MAML3: variants seen among roughly 807,000 people sequenced by gnomAD.
MAML3 encodes mastermind like transcriptional coactivator 3.
Under a neutral mutation model 101.9 loss-of-function variants are expected in MAML3, and 27 were observed. That is an observed-to-expected ratio of 0.27 (90% CI 0.20 to 0.37). MAML3 has a LOEUF of 0.37. MAML3 is among the 10% of genes least tolerant of loss of function. The pLI is 1.00. For missense variants in MAML3, 1,316 were observed against 1,444.9 expected (o/e 0.91, Z 1.45); for synonymous variants, 501 against 555.9 (o/e 0.90, Z 1.39).
Position 139,864,674 on chromosome 4 carries a change from CAAAAAAAAA to C in MAML3, c.2079+24674_2079+24682del, listed in dbSNP as rs70943450. 9.7e-3 allele frequency among the ~76,000 whole-genome samples: 673 copies of C among 69,522 alleles called. 2 individuals are homozygous for C. Among genetic ancestry groups the C allele is most frequent in the Middle Eastern group, 0.039 (3 of 76 alleles). 45.6% of individuals were successfully genotyped at this position (69,522 alleles called of 152,430 possible). ...CTGGCGACAGAGCGAGGCTCCGTCT[CAAAAAAAAA>C]AAAAAAAAAAAAAAAAGAAAAAGAA... On this transcript the variant is annotated intron_variant, in intron 2 of 4. Coordinates refer to ENST00000509479, the MANE Select transcript of MAML3 (RefSeq NM_018717.5).
chr4:140,026,227 T>C (rs1726821074), intron 1 of MAML3, among the ~76,000 whole-genome samples: 2 of 152,124 alleles, frequency 1.3e-5, no homozygotes, highest in African/African-American at 4.8e-5. Flanking sequence ...CATATACACA[T>C]ATATACATCT....
chr4:139,968,645 T>C (rs1734182406), intron 1 of MAML3, among the ~76,000 whole-genome samples: 1 of 152,174 alleles, frequency 6.6e-6, no homozygotes, highest in African/African-American at 2.4e-5. Flanking sequence ...AGGCCCATTT[T>C]ACAGATGAGG....
At chr4:139,854,419 T>TC (rs1414310208) in intron 2 of MAML3, among the ~76,000 whole-genome samples, 2 of 147,192 alleles carry the variant, frequency 1.4e-5, no homozygotes, top group Non-Finnish European at 3.0e-5. Flanking sequence ...ACAGTCAATT[T>TC]CCCCCCACAT....
intron 1 of MAML3, among the ~76,000 whole-genome samples, chr4:140,078,427 G>A (rs1241927133): frequency 1.3e-5 from 2 of 152,122 alleles, no homozygotes. Context: ...GAGCTTTGAG[G>A]AAAGCTACAA....
chr4:139,972,444 T>C (rs1360832135), intron 1 of MAML3, among the ~76,000 whole-genome samples: 1 of 152,234 alleles, frequency 6.6e-6, no homozygotes, highest in Non-Finnish European at 1.5e-5. Context: ...CATGACTTTA[T>C]AGTCACATTT....
chr4:139,807,956 T>C (rs999791812), intron 2 of MAML3, among the ~76,000 whole-genome samples: 2 of 152,236 alleles, frequency 1.3e-5, no homozygotes, highest in African/African-American at 4.8e-5. Flanking sequence ...GCAGCACTGA[T>C]TCATAGCCAG....
At chr4:140,139,836 G>A (rs1728952637) in intron 1 of MAML3, among the ~76,000 whole-genome samples, 1 of 152,072 alleles carries the variant, frequency 6.6e-6, no homozygotes, top group South Asian at 2.1e-4. Flanking sequence ...CTTGCATATA[G>A]GTGAAAGTCA....
chr4:139,993,736 G>A (rs189188217), intron 1 of MAML3, among the ~76,000 whole-genome samples: 15 of 152,204 alleles, frequency 9.9e-5, no homozygotes, highest in Admixed American at 9.2e-4. Flanking sequence ...GCTGAGGAAG[G>A]AGAATTGCTT....
chr4:140,077,078 C>T (rs187903835), intron 1 of MAML3, among the ~76,000 whole-genome samples: 6 of 152,016 alleles, frequency 3.9e-5, no homozygotes, highest in South Asian at 4.2e-4. Flanking sequence ...TTTGGGGTTT[C>T]GCCATGTTGG....
intron 1 of MAML3, among the ~76,000 whole-genome samples, chr4:140,007,729 G>C (rs1183185650): frequency 6.6e-6 from 1 of 152,172 alleles, no homozygotes; most frequent in African/African-American, 2.4e-5. Context: ...CAGAGAGGCA[G>C]GGAAAGCGAC....
At chr4:139,823,863 T>C (rs1731016362) in intron 2 of MAML3, among the ~76,000 whole-genome samples, 1 of 151,674 alleles carries the variant, frequency 6.6e-6, no homozygotes, top group Non-Finnish European at 1.5e-5. Context: ...AATAAATGAA[T>C]GTTTATCAGC....
chr4:140,135,189 C>T (rs1207771082), intron 1 of MAML3, among the ~76,000 whole-genome samples: 2 of 152,138 alleles, frequency 1.3e-5, no homozygotes, highest in East Asian at 3.9e-4. Flanking sequence ...AAAAAATAGA[C>T]CCATGCTCAG....
chr4:140,065,239 C>T (rs573472782), intron 1 of MAML3, among the ~76,000 whole-genome samples: 2 of 151,066 alleles, frequency 1.3e-5, no homozygotes, highest in Admixed American at 1.3e-4. Flanking sequence ...GAAAAGTATA[C>T]ATTAAATTAA....
At chr4:139,941,547 G>A (rs1457125052) in intron 1 of MAML3, among the ~76,000 whole-genome samples, 2 of 149,782 alleles carry the variant, frequency 1.3e-5, no homozygotes, top group Non-Finnish European at 2.9e-5. Flanking sequence ...TGTTGTTGGT[G>A]GTGGTGGTGG....
chr4:139,764,933 G>GC (rs77241051), intron 2 of MAML3, among the ~76,000 whole-genome samples: 43,753 of 152,124 alleles, frequency 0.29, 6,593 homozygotes, highest in East Asian at 0.47. Context: ...CCAATGCAGG[G>GC]CTGGGCCTGG....
chr4:139,877,282 T>C (rs1732133097), intron 2 of MAML3, among the ~76,000 whole-genome samples: 1 of 144,136 alleles, frequency 6.9e-6, no homozygotes, highest in Non-Finnish European at 1.6e-5. Context: ...TTCTAGAGAA[T>C]CTTGCCCAGG....
At chr4:139,787,205 C>G (rs1730322588) in intron 2 of MAML3, among the ~76,000 whole-genome samples, 1 of 152,230 alleles carries the variant, frequency 6.6e-6, no homozygotes, top group African/African-American at 2.4e-5. Flanking sequence ...CTTACTCATT[C>G]TCAGCTGAAC....
In MAML3 at chr4:140,129,062, T is replaced by C. The variant is rs561201979; in HGVS notation, c.468+23798A>G. Among the ~76,000 whole-genome samples, 46 of 152,224 alleles carry C rather than the reference T, an allele frequency of 3.0e-4. 1 individual carries two copies. The South Asian group carries it at 8.7e-3, about 29-fold the overall frequency. On this transcript the variant is annotated intron_variant, in intron 1 of 4. Transcript: ENST00000509479. ...AATCCCTGTTCCACCATTCATTAAC[T>C]GTGACAAATCAACAAAACTCTCGGG...
At chr4:140,117,906 G>A (rs1395741074) in intron 1 of MAML3, among the ~76,000 whole-genome samples, 2 of 152,096 alleles carry the variant, frequency 1.3e-5, no homozygotes, top group Non-Finnish European at 2.9e-5. Flanking sequence ...GATTAATCTA[G>A]TAATTCTAAG....
Sources: gnomAD v4.1 joint callset for allele counts (sites outside exome capture counted in the v4.1 genomes callset) on GRCh38, gnomAD v4.1.1 for gene constraint, MANE v1.5 for transcripts, NCBI Gene and HGNC (gene_info 2026-07-23, HGNC 2026-07-21) for gene names.